The following CTDNEP1 variants were observed in gnomAD, a reference collection of about 807,000 sequenced individuals.
CTDNEP1 encodes the protein CTD nuclear envelope phosphatase 1, also known as C-terminal domain nuclear envelope phosphatase 1.
A neutral mutation model predicts 30.1 loss-of-function variants in CTDNEP1; 3 were observed. The ratio of observed to expected loss-of-function variants is 0.10; its 90% CI spans 0.05 to 0.26. CTDNEP1 has a LOEUF of 0.26. Ranked by LOEUF, CTDNEP1 falls within the 10% of genes least tolerant of loss-of-function variation. The pLI, the probability that CTDNEP1 is intolerant of heterozygous loss-of-function variation, is 1.00. For synonymous variants in CTDNEP1, 123 were observed against 118.8 expected (o/e 1.04, Z -0.23); for missense variants, 158 against 310.4 (o/e 0.51, Z 3.69).
intron 1 of CTDNEP1, among the ~76,000 whole-genome samples, chr17:7,250,480 C>T (rs2071900745): frequency 6.6e-6 from 1 of 152,126 alleles, no homozygotes; most frequent in African/African-American, 2.4e-5. Context: ...ATTTTCAAGC[C>T]CTACAACTGC....
In CTDNEP1 at chr17:7,251,588, GGGTCCTCCGAGACCTGGAGGGAA is replaced by G; in HGVS notation, c.-315_-293del. 1 of 255,034 alleles carries G rather than the reference GGGTCCTCCGAGACCTGGAGGGAA, an allele frequency of 3.9e-6. No individual in the cohort carries two copies. Among genetic ancestry groups the G allele is most frequent in the South Asian group, 1.6e-4 (1 of 6,344 alleles). The allele number at this position is 255,034 out of a possible 1,614,324, so 15.8% of individuals were successfully genotyped here. Reference sequence around the variant, plus strand: ...GGCCGAGACAGGTAGGGCTAGGATGGGGTCCTCCGAGACCTGGAGGGAAGGGGAAGGATAATTGGGGGAGGGGG... The same window carrying G: ...GGCCGAGACAGGTAGGGCTAGGATGGGGGGAAGGATAATTGGGGGAGGGGG... On this transcript the variant is annotated 5_prime_UTR_variant, in exon 1 of 8. Transcript: ENST00000574322.
Position 7,244,022 on chromosome 17 carries a change from C to T in CTDNEP1, c.*163G>A, listed in dbSNP as rs2071808014. 1 of 1,412,794 alleles carries T rather than the reference C, an allele frequency of 7.1e-7. No homozygotes were observed. Among genetic ancestry groups the T allele is most frequent in the East Asian group, 2.6e-5 (1 of 38,120 alleles). 87.5% of individuals were successfully genotyped at this position (1,412,794 alleles called of 1,614,324 possible). A position where few individuals can be genotyped will look rare whatever the true frequency, so the allele number is the denominator to read the frequency against. On this transcript the variant is annotated 3_prime_UTR_variant, in exon 8 of 8. Coordinates refer to ENST00000574322, the MANE Select transcript of CTDNEP1 (RefSeq NM_001143775.2). ...CTTCAGAGCCCCTGGCCCATGTGTCCATCCAGACTCCAAGTGGAGTGTAGG... is the reference window on the plus strand; with the variant it reads ...CTTCAGAGCCCCTGGCCCATGTGTCTATCCAGACTCCAAGTGGAGTGTAGG...
At chr17:7,247,538 G>A (rs766302538) in intron 1 of CTDNEP1, among the ~76,000 whole-genome samples, 195 bp from the exon 2 acceptor site, 8 of 149,460 alleles carry the variant, frequency 5.4e-5, no homozygotes, top group South Asian at 2.1e-4. Flanking sequence ...GCATGATCTC[G>A]GCTCACTGCA....
chr17:7,251,446 A>C lies in CTDNEP1; in HGVS notation c.-150T>G. ...AGGGGCACGGAGCGGGCGGCTCAGA[A>C]AGCCACCCCTGGCGAGGGTAAAGCC... On this transcript the variant is annotated 5_prime_UTR_variant, in exon 1 of 8. Transcript: ENST00000574322. 3 of 455,016 alleles carry C rather than the reference A, an allele frequency of 6.6e-6. No homozygotes were observed. The highest frequency in any genetic ancestry group is 1.1e-5 in the Non-Finnish European group (3 of 268,434). The allele number at this position is 455,016 out of a possible 1,614,324, so 28.2% of individuals were successfully genotyped here. A position where few individuals can be genotyped will look rare whatever the true frequency, so the allele number is the denominator to read the frequency against.
chr17:7,250,810 C>T (rs2071908164), intron 1 of CTDNEP1, among the ~76,000 whole-genome samples: 2 of 152,240 alleles, frequency 1.3e-5, no homozygotes, highest in Admixed American at 1.3e-4. Context: ...ACCAAACACA[C>T]ACCGAGGTTC....
At chr17:7,249,717 C>A (rs1328054295) in intron 1 of CTDNEP1, among the ~76,000 whole-genome samples, 2 of 152,176 alleles carry the variant, frequency 1.3e-5, no homozygotes, top group Non-Finnish European at 2.9e-5. Flanking sequence ...TTGAGACCAT[C>A]CTGGCCAACA....
At position 7,247,385 on chromosome 17, in the gene CTDNEP1, AGCCTTCCC is replaced by A. The variant is rs1444465942; in HGVS notation, c.103-50_103-43del. Reference sequence around the variant, plus strand: ...AGAGGATTGAAACCCTTGATAAGGAAGCCTTCCCCAGTAACAGTAACAGGGAGCACATA... The same window carrying A: ...AGAGGATTGAAACCCTTGATAAGGAACAGTAACAGTAACAGGGAGCACATA... On this transcript the variant is annotated intron_variant, in intron 1 of 7. Coordinates refer to ENST00000574322, the MANE Select transcript of CTDNEP1 (RefSeq NM_001143775.2). 10 of 1,499,190 alleles carry A rather than the reference AGCCTTCCC, an allele frequency of 6.7e-6. No homozygotes were observed. The African/African-American group carries it at 1.4e-4, about 21-fold the overall frequency. 92.9% of individuals were successfully genotyped at this position (1,499,190 alleles called of 1,614,324 possible). A position where few individuals can be genotyped will look rare whatever the true frequency, so the allele number is the denominator to read the frequency against.
intron 6 of CTDNEP1, among the ~76,000 whole-genome samples, chr17:7,245,278 C>T (rs983128843): frequency 4.6e-5 from 7 of 150,670 alleles, no homozygotes; most frequent in African/African-American, 9.8e-5. Context: ...GGTGACAGTG[C>T]GAGACTCTGT....
chr17:7,246,087 G>A lies in CTDNEP1; in HGVS notation c.528C>T (p.His176=). The A allele has an allele frequency of 3.1e-6, 5 of 1,614,076 alleles. No homozygotes were observed. The highest frequency in any genetic ancestry group is 3.4e-6 in the Non-Finnish European group (4 of 1,180,000). ...GSYIKDLSVV[H]SDLSSIVILD... ...GGATCACAATGCTGGAGAGGTCACT[G>A]TGGACCACAGAGAGGTCCTTGATGT... Residue 176 remains histidine, a synonymous_variant, in exon 6 of 8, where the codon CAC becomes CAT. Transcript: ENST00000574322. The surrounding 1 kb of genome is among the most constrained non-coding windows in gnomAD (Gnocchi z 4.9).
intron 1 of CTDNEP1, 29 bp from the exon 2 acceptor site, chr17:7,247,372 C>A: frequency 6.3e-7 from 1 of 1,592,414 alleles, no homozygotes; most frequent in Non-Finnish European, 8.6e-7. Flanking sequence ...AGGATTGAAA[C>A]CCTTGATAAG....
At chr17:7,245,624 G>A (rs1428131773) in intron 6 of CTDNEP1, among the ~76,000 whole-genome samples, 1 of 151,336 alleles carries the variant, frequency 6.6e-6, no homozygotes, top group African/African-American at 2.4e-5. Flanking sequence ...TCAGCCTCCC[G>A]AGTTGCTGGG....
At chr17:7,245,647 C>T (rs906951635) in intron 6 of CTDNEP1, among the ~76,000 whole-genome samples, 2 of 151,230 alleles carry the variant, frequency 1.3e-5, no homozygotes, top group Admixed American at 6.6e-5. Context: ...TACAGGCGTG[C>T]GCCACCACGC....
Position 7,248,465 on chromosome 17 carries a change from T to C in CTDNEP1, c.103-1122A>G, listed in dbSNP as rs551245673. Among the ~76,000 whole-genome samples, 139 of 148,384 alleles carry C rather than the reference T, an allele frequency of 9.4e-4. 1 individual carries two copies. The highest frequency in any genetic ancestry group is 1.0e-3 in the East Asian group (5 of 4,858). On this transcript the variant is annotated intron_variant, in intron 1 of 7. Transcript: ENST00000574322. Reference sequence around the variant, plus strand: ...ACCTCCACCTCCCAGGTTCAAGCAATTCTCCTGCCTCAGCCTCCTAAGCAG... The same window carrying C: ...ACCTCCACCTCCCAGGTTCAAGCAACTCTCCTGCCTCAGCCTCCTAAGCAG...
intron 1 of CTDNEP1, among the ~76,000 whole-genome samples, chr17:7,249,692 C>T (rs769842235): frequency 1.3e-5 from 2 of 152,192 alleles, no homozygotes; most frequent in Non-Finnish European, 2.9e-5. Context: ...GGGCAGATCA[C>T]TTGAGGTCAG....
At chr17:7,249,890 G>A (rs1195168108) in intron 1 of CTDNEP1, among the ~76,000 whole-genome samples, 2 of 152,038 alleles carry the variant, frequency 1.3e-5, no homozygotes, top group African/African-American at 2.4e-5. Context: ...CAGCCTGGGC[G>A]ACAAAGCGAG....
In CTDNEP1 at chr17:7,246,978, A is replaced by C; in HGVS notation, c.288+86T>G. 7.1e-7 allele frequency: 1 copy of C among 1,408,522 alleles called. No homozygotes were observed. 87.3% of individuals were successfully genotyped at this position (1,408,522 alleles called of 1,614,324 possible). On this transcript the variant is annotated intron_variant, in intron 3 of 7. Coordinates refer to ENST00000574322, the MANE Select transcript of CTDNEP1 (RefSeq NM_001143775.2). This position sits in a 1 kb window ranked among gnomAD's most constrained non-coding sequence, Gnocchi z 4.9. ...CTGACACTGGTGCCAGCGGATGGAGACAGATGCTCTGGGACTGGGAAAGGG... is the reference window on the plus strand; with the variant it reads ...CTGACACTGGTGCCAGCGGATGGAGCCAGATGCTCTGGGACTGGGAAAGGG...
At chr17:7,244,930 G>A (rs1336328724) in intron 6 of CTDNEP1, 2 of 292,084 alleles carry the variant, frequency 6.8e-6, no homozygotes, top group Non-Finnish European at 1.3e-5. Flanking sequence ...GGCCGAGGTG[G>A]GAGGATCACT....
chr17:7,251,236 A>T lies in CTDNEP1; in HGVS notation c.61T>A (p.Trp21Arg). 6.2e-7 allele frequency: 1 copy of T among 1,603,070 alleles called. No individual in the cohort carries two copies. The highest frequency in any genetic ancestry group is 1.7e-4 in the Middle Eastern group (1 of 6,048). The change falls in exon 1 of 8, where the codon TGG (tryptophan) becomes AGG (arginine). Residue 21 changes from tryptophan to arginine, a missense_variant. Coordinates refer to ENST00000574322, the MANE Select transcript of CTDNEP1 (RefSeq NM_001143775.2). ...RTFVAFAAKL[W>R]SFFIYLLRRQ... Reference sequence around the variant, plus strand: ...CGCAGAAGGTAAATGAAGAAGCTCCAGAGCTTGGCGGCGAAGGCCACGAAC... The same window carrying T: ...CGCAGAAGGTAAATGAAGAAGCTCCTGAGCTTGGCGGCGAAGGCCACGAAC...
intron 6 of CTDNEP1, among the ~76,000 whole-genome samples, chr17:7,245,508 A>AT (rs1427596821): frequency 2.0e-5 from 3 of 150,858 alleles, no homozygotes; most frequent in East Asian, 1.9e-4. Flanking sequence ...TTTATTATTT[A>AT]TTTTTTTTGA....
Sources: allele counts gnomAD v4.1 joint callset (sites outside exome capture counted in the v4.1 genomes callset), GRCh38; gene constraint gnomAD v4.1.1; non-coding constraint Gnocchi (gnomAD v3.1); transcripts MANE v1.5; gene names NCBI Gene and HGNC (gene_info 2026-07-23, HGNC 2026-07-21).